The following SLC9A1 variants were observed in gnomAD, a reference collection of about 807,000 sequenced individuals.
The protein encoded by SLC9A1 is solute carrier family 9 member A1.
In SLC9A1, 22 loss-of-function variants were observed where a neutral mutation model predicts 67.9. The observed-to-expected ratio is 0.32, with a 90% CI of 0.23 to 0.46. SLC9A1 has a LOEUF of 0.46. SLC9A1 is among the 20% of genes least tolerant of loss of function. The pLI is 1.00. For synonymous variants in SLC9A1, 421 were observed against 471.8 expected (o/e 0.89, Z 1.40); for missense variants, 686 against 1,094.8 (o/e 0.63, Z 5.27).
chr1:27,106,151 T>C lies in SLC9A1; in HGVS notation c.1283-64A>G. On this transcript the variant is annotated intron_variant, in intron 4 of 11. Transcript: ENST00000263980. This position sits in a 1 kb window ranked among gnomAD's most constrained non-coding sequence, Gnocchi z 4.3. Reference sequence around the variant, plus strand: ...GCTGTCCCCAGTCCCTCCTGGATTCTGCATCAGTGATTTCTCTGTGCATCC... The same window carrying C: ...GCTGTCCCCAGTCCCTCCTGGATTCCGCATCAGTGATTTCTCTGTGCATCC... The C allele has an allele frequency of 2.9e-6, 3 of 1,051,840 alleles. No individual in the cohort carries two copies. In the South Asian group the frequency reaches 4.2e-5, roughly 15 times the overall value. 65.2% of individuals were successfully genotyped at this position (1,051,840 alleles called of 1,614,324 possible).
intron 5 of SLC9A1, among the ~76,000 whole-genome samples, chr1:27,104,554 A>T (rs1181051920): frequency 3.4e-5 from 5 of 148,842 alleles, no homozygotes; most frequent in African/African-American, 4.9e-5. Flanking sequence ...ATACCCACTA[A>T]TTTTTTTTTT....
intron 6 of SLC9A1, among the ~76,000 whole-genome samples, chr1:27,102,974 C>T (rs1221877551): frequency 6.6e-6 from 1 of 152,160 alleles, no homozygotes; most frequent in Admixed American, 6.5e-5. Flanking sequence ...TCTAATCCCA[C>T]CTGGGACCTA....
rs762616924 is a variant in SLC9A1, at chr1:27,109,629, C to T, written c.962G>A (p.Arg321Gln). 9 of 1,613,644 alleles carry T rather than the reference C, an allele frequency of 5.6e-6. No individual in the cohort carries two copies. The highest frequency in any genetic ancestry group is 6.8e-6 in the Non-Finnish European group (8 of 1,179,972). ...VYGVIAAFTS[R>Q]FTSHIRVIEP... ...GATGACCCGGATGTGGGAGGTAAAT[C>T]GGGAGGTGAAGGCTGCGATGACCCC... The change falls in exon 3 of 12, where the codon CGA becomes CAA. Residue 321 changes from arginine (R) to glutamine (Q), a missense_variant. Transcript: ENST00000263980. This position sits in a 1 kb window ranked among gnomAD's most constrained non-coding sequence, Gnocchi z 5.5.
intron 1 of SLC9A1, among the ~76,000 whole-genome samples, chr1:27,147,265 A>C (rs1462275833): frequency 7.6e-6 from 1 of 131,000 alleles, no homozygotes; most frequent in African/African-American, 2.9e-5. Context: ...ATGCCTCTGC[A>C]CTCCAGCCTG....
At chr1:27,148,864 A>C (rs746509381) in intron 1 of SLC9A1, among the ~76,000 whole-genome samples, 18 of 152,026 alleles carry the variant, frequency 1.2e-4, no homozygotes, top group Non-Finnish European at 2.1e-4. Flanking sequence ...CAGAGGCGGG[A>C]GGTCATAAGG....
At chr1:27,105,591 C>T (rs1413120098) in intron 5 of SLC9A1, 6 of 648,060 alleles carry the variant, frequency 9.3e-6, no homozygotes, top group Non-Finnish European at 1.7e-5. Flanking sequence ...AGTCACCGTG[C>T]CCGGCCAGTA....
Position 27,104,959 on chromosome 1 carries a change from C to G in SLC9A1, c.1485+926G>C, listed in dbSNP as rs141752467. On this transcript the variant is annotated intron_variant, in intron 5 of 11. Coordinates refer to ENST00000263980, the MANE Select transcript of SLC9A1 (RefSeq NM_003047.5). ...GGCAGGAGAGTGGCTGTCAGCTAAG[C>G]CTGAGCCGTTTAAATGTACAGAAAT... 4.6e-3 allele frequency among the ~76,000 whole-genome samples: 703 copies of G among 152,270 alleles called. 4 individuals are homozygous for G. The highest frequency in any genetic ancestry group is 0.016 in the African/African-American group (666 of 41,552).
intron 1 of SLC9A1, among the ~76,000 whole-genome samples, chr1:27,145,087 AAAAG>A (rs1252319102): frequency 8.3e-4 from 127 of 152,196 alleles, no homozygotes; most frequent in African/African-American, 2.8e-3. Context: ...AAAAAAAAAA[AAAAG>A]AAAGTGAACA....
chr1:27,107,703 C>T lies in SLC9A1; in HGVS notation c.1227G>A (p.Trp409Ter). ...GGGTGCTGATGACGAAGGTCCAGTT[C>T]CAGTGGTGGGAGCCGGCCACCGTGG... ...GVSTVAGSHH[W>*]NWTFVISTLL... The change falls in exon 4 of 12, where the codon TGG (tryptophan) becomes TGA (stop). Residue 409 changes from tryptophan to a stop codon, truncating the protein, a stop_gained. Coordinates refer to ENST00000263980, the MANE Select transcript of SLC9A1 (RefSeq NM_003047.5). LOFTEE classifies it high-confidence loss of function. 1 of 1,575,124 alleles carries T rather than the reference C, an allele frequency of 6.3e-7. No homozygotes were observed. The highest frequency in any genetic ancestry group is 8.6e-7 in the Non-Finnish European group (1 of 1,160,746).
intron 1 of SLC9A1, among the ~76,000 whole-genome samples, chr1:27,140,941 C>T (rs1379127884): frequency 2.0e-5 from 3 of 152,180 alleles, no homozygotes; most frequent in African/African-American, 7.2e-5. Context: ...GGCACGGCAG[C>T]TCACGCCTGT....
At position 27,101,315 on chromosome 1, in the gene SLC9A1, G is replaced by A. The variant is rs1278131100; in HGVS notation, c.2038-40C>T. 1 of 1,531,492 alleles carries A rather than the reference G, an allele frequency of 6.5e-7. No homozygotes were observed. The highest frequency in any genetic ancestry group is 1.1e-5 in the South Asian group (1 of 89,374). The allele number at this position is 1,531,492 out of a possible 1,614,324, so 94.9% of individuals were successfully genotyped here. ...AGACGGGGTGAGCACAGGCAGCTGG[G>A]CAGAGGGAGCCCCTCAGGACAGAAC... is the stretch of plus-strand genomic sequence containing the variant. On this transcript the variant is annotated intron_variant, in intron 10 of 11. Transcript: ENST00000263980. This position sits in a 1 kb window ranked among gnomAD's most constrained non-coding sequence, Gnocchi z 4.9.
intron 1 of SLC9A1, among the ~76,000 whole-genome samples, chr1:27,152,717 A>G (rs2083538071): frequency 6.6e-6 from 1 of 152,164 alleles, no homozygotes; most frequent in Admixed American, 6.5e-5. Context: ...GCTTGGCACA[A>G]GAGCCCTGCA....
At position 27,100,117 on chromosome 1, in the gene SLC9A1, TGGGGAGGATGCTTCCCGGGAGGCGGCA is replaced by T; in HGVS notation, c.*163_*189del. 1 of 477,886 alleles carries T rather than the reference TGGGGAGGATGCTTCCCGGGAGGCGGCA, an allele frequency of 2.1e-6. No individual in the cohort carries two copies. The highest frequency in any genetic ancestry group is 4.3e-5 in the South Asian group (1 of 23,304). 29.6% of individuals were successfully genotyped at this position (477,886 alleles called of 1,614,324 possible). On this transcript the variant is annotated 3_prime_UTR_variant, in exon 12 of 12. Transcript: ENST00000263980. The surrounding 1 kb of genome is among the most constrained non-coding windows in gnomAD (Gnocchi z 5.6). The stretch of plus-strand genomic sequence containing the variant: ...AAATGGATTGGGGAGGCAGCTCTGG[TGGGGAGGATGCTTCCCGGGAGGCGGCA>T]GGGGAGGAGCTGTGCTGGGGTGGGG...
At chr1:27,115,307 A>C (rs1436819248) in intron 1 of SLC9A1, among the ~76,000 whole-genome samples, 1 of 152,194 alleles carries the variant, frequency 6.6e-6, no homozygotes, top group Non-Finnish European at 1.5e-5. Flanking sequence ...CTTCAAACCC[A>C]GAGCTGAGGA....
At chr1:27,149,226 C>T (rs144847000) in intron 1 of SLC9A1, among the ~76,000 whole-genome samples, 37 of 152,308 alleles carry the variant, frequency 2.4e-4, no homozygotes, top group African/African-American at 8.2e-4. Flanking sequence ...GGGCCATGTG[C>T]ATCTGCTGCG....
chr1:27,110,886 A>G (rs1050571106), intron 2 of SLC9A1, among the ~76,000 whole-genome samples: 1 of 152,102 alleles, frequency 6.6e-6, no homozygotes, highest in African/African-American at 2.4e-5. Flanking sequence ...GAAGGGAGGG[A>G]AGGACGTGAG....
rs1311387973 is a variant in SLC9A1 at position 27,154,058 on chromosome 1, C to T, written c.277G>A (p.Gly93Ser). 1.2e-6 allele frequency: 2 copies of T among 1,612,290 alleles called. No homozygotes were observed. Among genetic ancestry groups the T allele is most frequent in the East Asian group, 2.2e-5 (1 of 44,820 alleles). Residue 93 changes from glycine to serine, a missense_variant, in exon 1 of 12, where the codon GGC becomes AGC. Around this residue, in one of 7 missense-constraint regions of SLC9A1, gnomAD observed 143 missense variants for 166.7 expected, o/e 0.86. Transcript: ENST00000263980. ...MKPRKAFPVLGIDYTHVRTPF... is the reference protein window; with the variant it reads ...MKPRKAFPVLSIDYTHVRTPF... ...GTGCGCACGTGTGTGTAGTCGATGC[C>T]CAGGACTGGAAAGGCCTTGCGCGGC...
At chr1:27,111,082 A>G (rs1024159996) in intron 2 of SLC9A1, among the ~76,000 whole-genome samples, 2 of 152,206 alleles carry the variant, frequency 1.3e-5, no homozygotes, top group African/African-American at 2.4e-5. Context: ...GACTTGGGCC[A>G]GGCAGCAAGG....
At chr1:27,107,216 CCT>C (rs1491422897) in intron 4 of SLC9A1, among the ~76,000 whole-genome samples, 20 of 54,116 alleles carry the variant, frequency 3.7e-4, no homozygotes, top group African/African-American at 2.7e-4. Context: ...ACACCCAGCC[CCT>C]CTACACACAC....
Sources: gnomAD v4.1 joint callset for allele counts (sites outside exome capture counted in the v4.1 genomes callset) on GRCh38, gnomAD v4.1.1 for gene constraint, gnomAD v4.1.1 regional missense constraint, Gnocchi (gnomAD v3.1) non-coding constraint, MANE v1.5 for transcripts, NCBI Gene and HGNC (gene_info 2026-07-23, HGNC 2026-07-21) for gene names.